DYSF: variants seen among roughly 807,000 people sequenced by gnomAD.
DYSF encodes the protein dysferlin.
Under a neutral mutation model 274.9 loss-of-function variants are expected in DYSF, and 212 were observed. The observed-to-expected ratio is 0.77, with a 90% CI of 0.69 to 0.86. The LOEUF (loss-of-function observed/expected upper bound fraction) is 0.86, where lower values mean the gene tolerates loss of function less well. DYSF is among the 40% of genes least tolerant of loss of function. DYSF has a pLI of 0.00. For synonymous variants in DYSF, 1,091 were observed against 1,078.7 expected, an observed-to-expected ratio of 1.01 and a Z score of -0.22; for missense variants, 2,666 against 2,783.2, an observed-to-expected ratio of 0.96 and a Z score of 0.95.
At chr2:71,569,738 A>C in intron 26 of DYSF, 82 bp from the exon 27 acceptor site, 1 of 1,211,136 alleles carries the variant, frequency 8.3e-7, no homozygotes, top group South Asian at 1.3e-5. Flanking sequence ...TGACATACGC[A>C]GGGGTGCTCT....
At chr2:71,674,353 CTG>C in intron 52 of DYSF, 57 bp downstream of exon 52, 4 of 1,534,050 alleles carry the variant, frequency 2.6e-6, no homozygotes, top group Non-Finnish European at 3.6e-6. Flanking sequence ...AGAACCCACA[CTG>C]TGTGTTTATG....
At chr2:71,580,327 A>G (rs1301462631) in intron 30 of DYSF, among the ~76,000 whole-genome samples, 2 of 152,262 alleles carry the variant, frequency 1.3e-5, no homozygotes, top group Non-Finnish European at 2.9e-5. Context: ...CCTCAGAGAC[A>G]GGCAGCTCAA....
intron 1 of DYSF, among the ~76,000 whole-genome samples, chr2:71,457,478 C>A (rs2081115602): frequency 1.3e-5 from 2 of 152,166 alleles, no homozygotes; most frequent in African/African-American, 4.8e-5. Flanking sequence ...TTACCAAAGA[C>A]AAGCAAGAAA....
At chr2:71,454,374 C>G (rs2080962987) in intron 1 of DYSF, among the ~76,000 whole-genome samples, 1 of 152,204 alleles carries the variant, frequency 6.6e-6, no homozygotes, top group Admixed American at 6.5e-5. Flanking sequence ...CTCACCTTTT[C>G]GGGATCTCTG....
At chr2:71,516,332 G>A in intron 9 of DYSF, 90 bp downstream of exon 9, 12 of 1,259,346 alleles carry the variant, frequency 9.5e-6, no homozygotes, top group South Asian at 2.4e-5. Context: ...GCACGTGTGT[G>A]CATGTGCACG....
intron 47 of DYSF, 80 bp from the exon 48 acceptor site, chr2:71,667,296 G>T (rs1410785757): frequency 5.0e-6 from 8 of 1,607,758 alleles, no homozygotes; most frequent in South Asian, 1.1e-5. Flanking sequence ...AGGCAGCCCT[G>T]CTCAGCCTGT....
chr2:71,644,935 C>A (rs2094544648), intron 42 of DYSF, among the ~76,000 whole-genome samples: 1 of 152,282 alleles, frequency 6.6e-6, no homozygotes, highest in South Asian at 2.1e-4. Flanking sequence ...TCCCTTATCC[C>A]CCTTGCAGGG....
intron 41 of DYSF, among the ~76,000 whole-genome samples, chr2:71,643,518 G>A (rs997348420): frequency 2.0e-5 from 3 of 152,012 alleles, no homozygotes; most frequent in Non-Finnish European, 2.9e-5. Context: ...AACTCTTTTG[G>A]GTCTGAATTT....
At chr2:71,588,602 AG>A (rs1299507555) in intron 30 of DYSF, 1 of 152,334 alleles carries the variant, frequency 6.6e-6, no homozygotes, top group Non-Finnish European at 1.5e-5. Context: ...CGTCTGAGGA[AG>A]AGGCCAGGGT....
At position 71,513,860 on chromosome 2, in the gene DYSF, A is replaced by G. The variant is rs763023505; in HGVS notation, c.698A>G (p.Lys233Arg). ...CCTCCGCCCCACTACCCCGGGATCA[A>G]AAGAAAGCGAAGTGCGCCTACATCT... ...SRPPPHYPGI[K>R]RKRSAPTSRK... The change falls in exon 7 of 56, where the codon AAA (lysine) becomes AGA (arginine). Residue 233 changes from lysine to arginine, a missense_variant. Physicochemically the swap from Lys to Arg is conservative, Grantham distance 26 (BLOSUM62 2). This residue lies in a region of DYSF where 794 missense variants were observed against 777.1 expected (regional missense o/e 1.02). Coordinates refer to ENST00000410020, the MANE Select transcript of DYSF (RefSeq NM_001130987.2). 6.2e-6 allele frequency: 10 copies of G among 1,614,242 alleles called. No homozygotes were observed. Among genetic ancestry groups the G allele is most frequent in the Middle Eastern group, 1.6e-4 (1 of 6,062 alleles).
chr2:71,487,052 G>GTCTGTGCAGCA (rs2083424864), intron 3 of DYSF, among the ~76,000 whole-genome samples: 3 of 152,152 alleles, frequency 2.0e-5, no homozygotes, highest in Admixed American at 2.0e-4. Context: ...TTGGGGCAAG[G>GTCTGTGCAGCA]TCTGTGCAGC....
At chr2:71,507,419 G>C (rs938435318) in intron 4 of DYSF, among the ~76,000 whole-genome samples, 2 of 152,120 alleles carry the variant, frequency 1.3e-5, no homozygotes, top group Non-Finnish European at 2.9e-5. Context: ...TCTTGCTCTG[G>C]TTTACTTTTT....
At chr2:71,648,421 G>A (rs933075570) in intron 42 of DYSF, among the ~76,000 whole-genome samples, 3 of 151,980 alleles carry the variant, frequency 2.0e-5, no homozygotes, top group Non-Finnish European at 4.4e-5. Context: ...GTAAGCAAAC[G>A]AAAATGGAAA....
Position 71,570,295 on chromosome 2 carries a change from G to C in DYSF, c.3046G>C (p.Glu1016Gln). ...CPLGWKWEDE[E>Q]WSTDLNRAVD... ...ACTGGGCTGGAAGTGGGAAGATGAG[G>C]AATGGTCCACAGACCTCAACCGGGC... is the stretch of plus-strand genomic sequence containing the variant. Residue 1016 changes from glutamate to glutamine, a missense_variant, in exon 28 of 56, where the codon GAA becomes CAA. This residue lies in a region of DYSF where 1,460 missense variants were observed against 1,502.1 expected (regional missense o/e 0.97). Coordinates refer to ENST00000410020, the MANE Select transcript of DYSF (RefSeq NM_001130987.2). 6.2e-7 allele frequency: 1 copy of C among 1,614,184 alleles called. No homozygotes were observed. Among genetic ancestry groups the C allele is most frequent in the Non-Finnish European group, 8.5e-7 (1 of 1,180,026 alleles).
At chr2:71,656,029 T>C (rs948361587) in intron 42 of DYSF, 133 bp from the exon 43 acceptor site, 30 of 1,226,440 alleles carry the variant, frequency 2.4e-5, no homozygotes, top group Middle Eastern at 1.9e-4. Context: ...CTTTTCTTCT[T>C]CTCTCTTCCT....
intron 17 of DYSF, among the ~76,000 whole-genome samples, chr2:71,547,170 C>G (rs2090540708): frequency 1.3e-5 from 2 of 152,230 alleles, no homozygotes; most frequent in South Asian, 4.1e-4. Flanking sequence ...TCACTGTGCT[C>G]TTGAACTGTC....
intron 10 of DYSF, 139 bp from the exon 11 acceptor site, chr2:71,520,039 G>T: frequency 1.1e-6 from 1 of 904,376 alleles, no homozygotes; most frequent in South Asian, 1.3e-5. Flanking sequence ...TTCTTTTCAT[G>T]TAGTATCAAA....
At position 71,503,204 on chromosome 2, in the gene DYSF, C is replaced by G. The variant is rs781652025; in HGVS notation, c.240-10C>G. 6.2e-7 allele frequency: 1 copy of G among 1,613,570 alleles called. No homozygotes were observed. The highest frequency in any genetic ancestry group is 8.5e-7 in the Non-Finnish European group (1 of 1,179,532). The stretch of plus-strand genomic sequence containing the variant: ...CTAGTTTTCTACATTTGACTTCTCT[C>G]TCCTCTCAGGTTCCTGGGGGAAGCC... On this transcript the variant is annotated splice_polypyrimidine_tract_variant and intron_variant, in intron 3 of 55. Coordinates refer to ENST00000410020, the MANE Select transcript of DYSF (RefSeq NM_001130987.2).
At chr2:71,503,512 G>A (rs534135978) in intron 4 of DYSF, among the ~76,000 whole-genome samples, 193 bp downstream of exon 4, 45 of 152,274 alleles carry the variant, frequency 3.0e-4, no homozygotes, top group African/African-American at 1.1e-3. Context: ...GGCAGAGGGA[G>A]CCCTGACCCC....
Sources: gnomAD v4.1 joint callset for allele counts (sites outside exome capture counted in the v4.1 genomes callset) on GRCh38, gnomAD v4.1.1 for gene constraint, gnomAD v4.1.1 regional missense constraint, MANE v1.5 for transcripts, NCBI Gene and HGNC (gene_info 2026-07-23, HGNC 2026-07-21) for gene names.